Variants in LTA observed in about 807,000 individuals in gnomAD.
The protein encoded by LTA is lymphotoxin alpha, also known as lymphotoxin-alpha.
Under a neutral mutation model 15.1 loss-of-function variants are expected in LTA, and 6 were observed. The observed-to-expected ratio is 0.40, with a 90% CI of 0.22 to 0.78. The LOEUF is 0.78. Ranked by LOEUF, LTA falls within the 30% of genes least tolerant of loss-of-function variation. The pLI, the probability that LTA is intolerant of heterozygous loss-of-function variation, is 0.38. For missense variants in LTA, 173 were observed against 249.5 expected, an observed-to-expected ratio of 0.69 and a Z score of 2.06; for synonymous variants, 87 against 107.3, an observed-to-expected ratio of 0.81 and a Z score of 1.17.
At chr6:31,563,956 T>G in the LTA span, among the ~76,000 whole-genome samples, 1 of 152,156 alleles carries the variant, frequency 6.6e-6, no homozygotes, top group African/African-American at 2.4e-5. Flanking sequence ...TTGTTGACCA[T>G]GCAGTACATG....
the LTA span, among the ~76,000 whole-genome samples, chr6:31,561,982 AG>A: frequency 2.0e-5 from 3 of 151,820 alleles, no homozygotes; most frequent in African/African-American, 7.3e-5. Context: ...TTCCCTTCCC[AG>A]TAGAGGTTGA....
rs756574698 is a variant in LTA, at chr6:31,572,734, G to A, written c.-9G>A. On this transcript the variant is annotated splice_region_variant and 5_prime_UTR_variant, in exon 2 of 4. Coordinates refer to ENST00000418386, the MANE Select transcript of LTA (RefSeq NM_000595.4). ...TCTCTCTCTCTCTCTTTCTCTGCAG[G>A]TTCTCCCCATGACACCACCTGAACG... 1.3e-6 allele frequency: 2 copies of A among 1,596,412 alleles called. No individual in the cohort carries two copies. The highest frequency in any genetic ancestry group is 1.7e-6 in the Non-Finnish European group (2 of 1,170,510).
chr6:31,568,795 A>G (rs1417503453), upstream of LTA, among the ~76,000 whole-genome samples: 1 of 152,120 alleles, frequency 6.6e-6, no homozygotes, highest in Non-Finnish European at 1.5e-5. This position sits in a 1 kb window ranked among gnomAD's most constrained non-coding sequence, Gnocchi z 4.1. Flanking sequence ...CATCTCAAGG[A>G]GCATCCTTCG....
At chr6:31,573,255 C>A in intron 3 of LTA, 26 bp from the exon 4 acceptor site, 2 of 1,593,800 alleles carry the variant, frequency 1.3e-6, no homozygotes, top group South Asian at 2.3e-5. Flanking sequence ...TGATCTCCCA[C>A]CCCCATCCCC....
At chr6:31,564,152 A>C in the LTA span, among the ~76,000 whole-genome samples, 1 of 152,232 alleles carries the variant, frequency 6.6e-6, no homozygotes, top group Admixed American at 6.5e-5. Flanking sequence ...TTTGAGGTAC[A>C]ACCTTACTCC....
Position 31,574,123 on chromosome 6 carries a change from C to G in LTA, c.*430C>G. On this transcript the variant is annotated 3_prime_UTR_variant, in exon 4 of 4. Transcript: ENST00000418386. ...GAGAGGGGAATAATAGAAGAACATC[C>G]AAGGAGAAACAGAGACAGGCCCAAG... 3.1e-6 allele frequency: 1 copy of G among 326,484 alleles called. No homozygotes were observed. The highest frequency in any genetic ancestry group is 2.5e-5 in the South Asian group (1 of 39,804). The allele number at this position is 326,484 out of a possible 1,614,324, so 20.2% of individuals were successfully genotyped here. A position where few individuals can be genotyped will look rare whatever the true frequency, so the allele number is the denominator to read the frequency against.
chr6:31,572,664 G>A (rs1160629679), intron 1 of LTA, 70 bp from the exon 2 acceptor site: 15 of 1,100,950 alleles, frequency 1.4e-5, no homozygotes, highest in South Asian at 2.6e-5. Context: ...CTCCCAGGGC[G>A]GGAGGTCTGT....
chr6:31,572,654 C>CAT, intron 1 of LTA, 80 bp from the exon 2 acceptor site: 4 of 969,982 alleles, frequency 4.1e-6, no homozygotes, highest in South Asian at 1.4e-5. Context: ...GGGGTGCTCT[C>CAT]TCCCAGGGCG....
chr6:31,566,697 C>T, the LTA span, among the ~76,000 whole-genome samples: 2,516 of 146,962 alleles, frequency 0.017, 59 homozygotes, highest in African/African-American at 0.06. Flanking sequence ...AATCCCAGCA[C>T]TTTGGGAGGC....
chr6:31,567,449 G>C (rs1770622304), upstream of LTA, among the ~76,000 whole-genome samples: 1 of 151,940 alleles, frequency 6.6e-6, no homozygotes. Context: ...TGTAGTCCTA[G>C]ATACTTGGGA....
At position 31,574,131 on chromosome 6, in the gene LTA, A is replaced by G; in HGVS notation, c.*438A>G. The G allele has an allele frequency of 3.0e-6, 1 of 334,582 alleles. No homozygotes were observed. The highest frequency in any genetic ancestry group is 5.8e-6 in the Non-Finnish European group (1 of 172,730). The allele number at this position is 334,582 out of a possible 1,614,324, so 20.7% of individuals were successfully genotyped here. On this transcript the variant is annotated 3_prime_UTR_variant, in exon 4 of 4. Coordinates refer to ENST00000418386, the MANE Select transcript of LTA (RefSeq NM_000595.4). ...AATAATAGAAGAACATCCAAGGAGA[A>G]ACAGAGACAGGCCCAAGAGATGAAG...
chr6:31,561,107 T>C, the LTA span, among the ~76,000 whole-genome samples: 39 of 152,102 alleles, frequency 2.6e-4, no homozygotes, highest in African/African-American at 8.9e-4. Context: ...GCCTGACAAG[T>C]CAGAAAATGC....
At chr6:31,561,774 A>G in the LTA span, among the ~76,000 whole-genome samples, 45 of 152,162 alleles carry the variant, frequency 3.0e-4, no homozygotes, top group Admixed American at 6.5e-4. Context: ...CACTGCCTTC[A>G]TAGAACTTGC....
At chr6:31,564,221 T>C in the LTA span, among the ~76,000 whole-genome samples, 1 of 152,130 alleles carries the variant, frequency 6.6e-6, no homozygotes, top group Non-Finnish European at 1.5e-5. Context: ...CTTGAGAAAC[T>C]TGGAGAATTG....
intron 3 of LTA, 104 bp downstream of exon 3, chr6:31,573,137 T>TAA: frequency 1.2e-6 from 1 of 868,608 alleles, no homozygotes; most frequent in Non-Finnish European, 1.6e-6. Context: ...TCCCCCACGC[T>TAA]AAAAAAAACA....
the LTA span, among the ~76,000 whole-genome samples, chr6:31,562,018 A>C: frequency 6.6e-6 from 1 of 150,648 alleles, no homozygotes; most frequent in East Asian, 2.0e-4. Flanking sequence ...AGGATCTTCA[A>C]GGGAGGGGGC....
the LTA span, among the ~76,000 whole-genome samples, chr6:31,563,826 T>G: frequency 8.5e-3 from 1,290 of 152,298 alleles, 21 homozygotes; most frequent in African/African-American, 0.027. Context: ...CGGGCTGGTC[T>G]CGAACTCCTG....
At chr6:31,564,099 GAT>G in the LTA span, among the ~76,000 whole-genome samples, 1 of 152,164 alleles carries the variant, frequency 6.6e-6, no homozygotes, top group African/African-American at 2.4e-5. Context: ...GTAATTCAGA[GAT>G]CAAGATCTTG....
At chr6:31,563,958 C>CA in the LTA span, among the ~76,000 whole-genome samples, 1 of 152,268 alleles carries the variant, frequency 6.6e-6, no homozygotes, top group Middle Eastern at 3.4e-3. Flanking sequence ...GTTGACCATG[C>CA]AGTACATGTT....
Sources: gnomAD v4.1 joint callset for allele counts (sites outside exome capture counted in the v4.1 genomes callset) on GRCh38, gnomAD v4.1.1 for gene constraint, Gnocchi (gnomAD v3.1) non-coding constraint, MANE v1.5 for transcripts, NCBI Gene and HGNC (gene_info 2026-07-23, HGNC 2026-07-21) for gene names.